GPHN: variants seen among roughly 807,000 people sequenced by gnomAD.
GPHN encodes the protein gephyrin.
GPHN carries 17 observed loss-of-function variants against 95.5 expected under a neutral mutation model. The ratio of observed to expected loss-of-function variants is 0.18; its 90% CI spans 0.12 to 0.27. The LOEUF (loss-of-function observed/expected upper bound fraction) is 0.27, where lower values mean the gene tolerates loss of function less well. GPHN is among the 10% of genes least tolerant of loss of function. GPHN has a pLI of 1.00. For synonymous variants in GPHN, 320 were observed against 322.5 expected (o/e 0.99, Z 0.08); for missense variants, 660 against 978.1 (o/e 0.67, Z 4.34).
the GPHN span, chr14:67,575,814 T>C: frequency 6.2e-7 from 1 of 1,610,370 alleles, no homozygotes. Flanking sequence ...GGAAGACTGC[T>C]GTCCACAGCG....
intron 9 of GPHN, among the ~76,000 whole-genome samples, chr14:66,978,136 T>C (rs1331602972): frequency 6.6e-6 from 1 of 152,228 alleles, no homozygotes. Flanking sequence ...GTTATTACAA[T>C]CATCTGAGCC....
At position 66,621,689 on chromosome 14, in the gene GPHN, T is replaced by A. The variant is rs184368793; in HGVS notation, c.65-59418T>A. On this transcript the variant is annotated intron_variant, in intron 1 of 22. Transcript: ENST00000478722. ...CCACCGCCTCGGCCTCCCAAAATGC[T>A]GGGATTACAGGCGTGAGCCACCGCA... is the stretch of plus-strand genomic sequence containing the variant. Among the ~76,000 whole-genome samples the A allele has an allele frequency of 5.3e-5, 8 of 152,320 alleles. No individual in the cohort carries two copies. In the East Asian group the frequency reaches 9.7e-4, roughly 18 times the overall value.
the GPHN span, among the ~76,000 whole-genome samples, chr14:67,687,380 T>A: frequency 6.6e-6 from 1 of 151,668 alleles, no homozygotes; most frequent in East Asian, 1.9e-4. Context: ...AACCTACCAA[T>A]GGTAACCTTC....
chr14:66,945,551 C>T (rs377449450), intron 8 of GPHN, among the ~76,000 whole-genome samples: 13 of 152,164 alleles, frequency 8.5e-5, no homozygotes, highest in African/African-American at 2.4e-4. Flanking sequence ...ATGGGTACAC[C>T]GGAATCTCAG....
chr14:67,167,298 A>G (rs2082335970), intron 20 of GPHN, among the ~76,000 whole-genome samples: 1 of 152,180 alleles, frequency 6.6e-6, no homozygotes, highest in African/African-American at 2.4e-5. Flanking sequence ...TTTTTTATAC[A>G]GTAATGTTAT....
the GPHN span, among the ~76,000 whole-genome samples, chr14:67,642,793 C>CTTTTTTTT: frequency 0.01 from 762 of 75,564 alleles, 200 homozygotes; most frequent in South Asian, 0.028. Context: ...ACTACATTTT[C>CTTTTTTTT]TTTTTTTTTT....
the GPHN span, chr14:67,336,099 A>G: frequency 6.6e-6 from 1 of 152,298 alleles, no homozygotes; most frequent in Non-Finnish European, 1.5e-5. Context: ...GGAGGTATGT[A>G]ATAATACTCA....
At position 67,127,252 on chromosome 14, in the gene GPHN, A is replaced by G. The variant is rs1244259115; in HGVS notation, c.1748+4875A>G. Among the ~76,000 whole-genome samples, 9 of 135,132 alleles carry G rather than the reference A, an allele frequency of 6.7e-5. No individual in the cohort carries two copies. The East Asian group carries it at 2.1e-3, about 31-fold the overall frequency. 88.7% of individuals were successfully genotyped at this position (135,132 alleles called of 152,430 possible). A position where few individuals can be genotyped will look rare whatever the true frequency, so the allele number is the denominator to read the frequency against. ...CATGTACCCTAAAACTTAAAGTATA[A>G]TAAAAAAAAAAAAATGGCTTTGCAA... On this transcript the variant is annotated intron_variant, in intron 17 of 22. Transcript: ENST00000478722.
At chr14:66,673,236 G>C (rs1335344835) in intron 1 of GPHN, among the ~76,000 whole-genome samples, 1 of 152,128 alleles carries the variant, frequency 6.6e-6, no homozygotes, top group Non-Finnish European at 1.5e-5. Context: ...GGGACTACCA[G>C]TGCGTGCCAC....
intron 1 of GPHN, among the ~76,000 whole-genome samples, chr14:66,575,772 A>G (rs1040735944): frequency 1.2e-4 from 18 of 152,064 alleles, no homozygotes; most frequent in African/African-American, 3.6e-4. Context: ...ACCTGTGTCT[A>G]TGGGGGGCTG....
At chr14:67,408,689 A>C in the GPHN span, among the ~76,000 whole-genome samples, 1 of 152,202 alleles carries the variant, frequency 6.6e-6, no homozygotes, top group African/African-American at 2.4e-5. Flanking sequence ...GAAGCTAGGA[A>C]GGATCCTCCT....
the GPHN span, among the ~76,000 whole-genome samples, chr14:67,188,155 T>TG: frequency 6.6e-6 from 1 of 152,086 alleles, no homozygotes; most frequent in Non-Finnish European, 1.5e-5. Flanking sequence ...GGCAGGCCCA[T>TG]CTCATGAGGG....
the GPHN span, chr14:67,674,418 G>A: frequency 1.2e-6 from 2 of 1,607,894 alleles, no homozygotes; most frequent in Non-Finnish European, 8.5e-7. Context: ...CCCCTTGTAG[G>A]TCTTCATGGA....
chr14:66,825,664 A>T (rs376708047), intron 4 of GPHN, among the ~76,000 whole-genome samples: 1 of 149,930 alleles, frequency 6.7e-6, no homozygotes. Context: ...TTTAAGAATT[A>T]TTTTTTTTCT....
At chr14:66,835,805 G>C (rs1227829160) in intron 4 of GPHN, among the ~76,000 whole-genome samples, 1 of 151,686 alleles carries the variant, frequency 6.6e-6, no homozygotes, top group Non-Finnish European at 1.5e-5. Context: ...ACCAACAACA[G>C]ACAGAGAGCC....
At chr14:67,174,252 C>T (rs1168453719) in intron 21 of GPHN, among the ~76,000 whole-genome samples, 1 of 149,418 alleles carries the variant, frequency 6.7e-6, no homozygotes. Context: ...CCCGACAGGC[C>T]CCAGTGTGTG....
the GPHN span, among the ~76,000 whole-genome samples, chr14:67,459,720 T>A: frequency 6.6e-6 from 1 of 152,192 alleles, no homozygotes; most frequent in African/African-American, 2.4e-5. Context: ...ACGCTGTTCC[T>A]CACATAGGCG....
At chr14:67,221,895 A>G in the GPHN span, 1 of 1,524,220 alleles carries the variant, frequency 6.6e-7, no homozygotes, top group Non-Finnish European at 8.9e-7. Flanking sequence ...TGTGGCTAAG[A>G]GCAAAGGAAT....
intron 21 of GPHN, among the ~76,000 whole-genome samples, chr14:67,171,516 C>G (rs536807065): frequency 6.6e-6 from 1 of 152,240 alleles, no homozygotes; most frequent in East Asian, 1.9e-4. Context: ...CACCCTTGTT[C>G]TCAGCTTTTT....
Sources: gnomAD v4.1 joint callset for allele counts (sites outside exome capture counted in the v4.1 genomes callset) on GRCh38, gnomAD v4.1.1 for gene constraint, MANE v1.5 for transcripts, NCBI Gene and HGNC (gene_info 2026-07-23, HGNC 2026-07-21) for gene names.